Variants in CDH2 observed in about 807,000 individuals in gnomAD.
The protein encoded by CDH2 is cadherin 2.
Under a neutral mutation model 92.0 loss-of-function variants are expected in CDH2, and 17 were observed. The observed-to-expected ratio is 0.18, with a 90% CI of 0.13 to 0.28. CDH2 has a LOEUF of 0.28. Among genes scored for constraint, CDH2 ranks in the 10% least tolerant of loss-of-function variants. CDH2 has a pLI of 1.00. For missense variants in CDH2, 862 were observed against 1,133.1 expected, an observed-to-expected ratio of 0.76 and a Z score of 3.44; for synonymous variants, 419 against 415.9, an observed-to-expected ratio of 1.01 and a Z score of -0.09.
At chr18:28,106,042 C>T (rs905130108) in intron 2 of CDH2, among the ~76,000 whole-genome samples, 1 of 152,226 alleles carries the variant, frequency 6.6e-6, no homozygotes, top group African/African-American at 2.4e-5. Flanking sequence ...AAGTTCTCTG[C>T]TCAGGCAGTT....
At chr18:28,140,439 A>T (rs1455193575) in intron 2 of CDH2, among the ~76,000 whole-genome samples, 1 of 151,948 alleles carries the variant, frequency 6.6e-6, no homozygotes, top group Non-Finnish European at 1.5e-5. Context: ...CAACAATGTG[A>T]TAGTATTAGG....
chr18:28,159,616 C>A (rs2144350669), intron 1 of CDH2, among the ~76,000 whole-genome samples: 1 of 150,352 alleles, frequency 6.7e-6, no homozygotes, highest in South Asian at 2.1e-4. Flanking sequence ...GGGCTTCTGG[C>A]AGTGGGAAAA....
chr18:28,033,734 C>G (rs2013756512), intron 2 of CDH2, among the ~76,000 whole-genome samples: 1 of 152,002 alleles, frequency 6.6e-6, no homozygotes, highest in South Asian at 2.1e-4. Flanking sequence ...TTCCACAAGT[C>G]ACACAGAAAA....
At chr18:28,011,071 T>G (rs1028392763) in intron 4 of CDH2, among the ~76,000 whole-genome samples, 3 of 151,948 alleles carry the variant, frequency 2.0e-5, no homozygotes, top group African/African-American at 7.3e-5. Flanking sequence ...TAGGACAGAA[T>G]ATACAACATA....
chr18:27,963,227 T>C (rs563882801), intron 15 of CDH2, 130 bp downstream of exon 15: 2 of 738,412 alleles, frequency 2.7e-6, no homozygotes, highest in South Asian at 3.1e-5. Flanking sequence ...TCACACAAGA[T>C]GAACTTCAGA....
chr18:28,054,863 G>A (rs1204097630), intron 2 of CDH2, among the ~76,000 whole-genome samples: 2 of 151,760 alleles, frequency 1.3e-5, no homozygotes, highest in African/African-American at 2.4e-5. Context: ...TTTTTTCTTG[G>A]TGAAGAAAAT....
At chr18:27,989,981 T>C (rs2012357893) in intron 10 of CDH2, 116 bp downstream of exon 10, 2 of 834,016 alleles carry the variant, frequency 2.4e-6, no homozygotes, top group African/African-American at 1.7e-5. Flanking sequence ...AATTATCTTT[T>C]AATAAGTAGT....
chr18:28,168,063 G>A (rs1232300424), intron 1 of CDH2, among the ~76,000 whole-genome samples: 1 of 152,100 alleles, frequency 6.6e-6, no homozygotes, highest in Non-Finnish European at 1.5e-5. Flanking sequence ...ATGTTAAGCG[G>A]GAGCGGGGGG....
chr18:28,039,367 C>T (rs1460608416), intron 2 of CDH2, among the ~76,000 whole-genome samples: 2 of 152,090 alleles, frequency 1.3e-5, no homozygotes, highest in East Asian at 3.9e-4. Context: ...CATGCTAGTT[C>T]CAGTCTTCTC....
intron 2 of CDH2, among the ~76,000 whole-genome samples, chr18:28,145,213 G>A (rs1248911231): frequency 6.6e-6 from 1 of 152,032 alleles, no homozygotes; most frequent in Non-Finnish European, 1.5e-5. Context: ...GTCCCCAGAT[G>A]CCATCAACGG....
intron 6 of CDH2, among the ~76,000 whole-genome samples, chr18:27,937,003 T>G (rs1598974596): frequency 6.6e-6 from 1 of 152,220 alleles, no homozygotes; most frequent in Admixed American, 6.5e-5. Context: ...GGTAAAAAGA[T>G]GTGCAAGCAA....
chr18:28,068,662 T>C (rs2014557570), intron 2 of CDH2, among the ~76,000 whole-genome samples: 1 of 152,188 alleles, frequency 6.6e-6, no homozygotes, highest in African/African-American at 2.4e-5. Flanking sequence ...TGTTCACATA[T>C]AAAAATAATA....
At chr18:28,051,303 A>C (rs1045723691) in intron 2 of CDH2, among the ~76,000 whole-genome samples, 6 of 152,226 alleles carry the variant, frequency 3.9e-5, no homozygotes, top group African/African-American at 1.4e-4. Context: ...CAAAACCTGA[A>C]GATAGTGTAA....
chr18:28,043,590 G>A (rs2014006219), intron 2 of CDH2, among the ~76,000 whole-genome samples: 2 of 147,748 alleles, frequency 1.4e-5, no homozygotes, highest in African/African-American at 5.0e-5. Flanking sequence ...CCTAGTGGCT[G>A]ATGGCACTGA....
chr18:27,961,470 G>A (rs1057277973), intron 15 of CDH2, among the ~76,000 whole-genome samples: 3 of 152,050 alleles, frequency 2.0e-5, no homozygotes, highest in Admixed American at 1.3e-4. Context: ...TCCTGAAGGC[G>A]AAGTGGCAGT....
At chr18:28,098,124 G>A (rs1260492997) in intron 2 of CDH2, among the ~76,000 whole-genome samples, 1 of 152,118 alleles carries the variant, frequency 6.6e-6, no homozygotes, top group African/African-American at 2.4e-5. Flanking sequence ...GGAATGGGAA[G>A]TTGTAAATGG....
At chr18:27,973,599 T>C (rs1435248934) in intron 14 of CDH2, among the ~76,000 whole-genome samples, 1 of 152,194 alleles carries the variant, frequency 6.6e-6, no homozygotes, top group African/African-American at 2.4e-5. Context: ...GTGCAACCCA[T>C]TGTGGGTGAG....
chr18:27,992,912 A>T, intron 8 of CDH2, 72 bp from the exon 9 acceptor site: 1 of 1,123,490 alleles, frequency 8.9e-7, no homozygotes, highest in Non-Finnish European at 1.3e-6. Flanking sequence ...TGATGACCAC[A>T]CCGTCCGATT....
Position 28,043,890 on chromosome 18 carries a change from ATTTTTTTTTTTTTTTTTTTTT to A in CDH2, c.173-30002_173-29982del, listed in dbSNP as rs67532914. ...AGTCTCATCTTTCTCAGAATCTCGG[ATTTTTTTTTTTTTTTTTTTTT>A]TTTTTTTTTTTTGGAGACAGAGTAC... On this transcript the variant is annotated intron_variant, in intron 2 of 15. Coordinates refer to ENST00000269141, the MANE Select transcript of CDH2 (RefSeq NM_001792.5). Among the ~76,000 whole-genome samples, 64 of 91,472 alleles carry A rather than the reference ATTTTTTTTTTTTTTTTTTTTT, an allele frequency of 7.0e-4. 2 individuals are homozygous for A. Among genetic ancestry groups the A allele is most frequent in the Non-Finnish European group, 2.2e-4 (10 of 46,004 alleles). The allele number at this position is 91,472 out of a possible 152,430, so 60.0% of individuals were successfully genotyped here.
Sources: allele counts gnomAD v4.1 joint callset (sites outside exome capture counted in the v4.1 genomes callset), GRCh38; gene constraint gnomAD v4.1.1; transcripts MANE v1.5; gene names NCBI Gene and HGNC (gene_info 2026-07-23, HGNC 2026-07-21).